VRTN: variants seen among roughly 807,000 people sequenced by gnomAD.
VRTN encodes vertebrae development associated.
Under a neutral mutation model 18.2 loss-of-function variants are expected in VRTN, and 5 were observed. The ratio of observed to expected loss-of-function variants is 0.27; its 90% CI spans 0.14 to 0.58. The LOEUF is 0.58. Ranked by LOEUF, VRTN falls within the 20% of genes least tolerant of loss-of-function variation. The probability of loss-of-function intolerance (pLI) is 0.91; values close to 1 mark genes in which losing one functional copy is unlikely to be tolerated. For missense variants in VRTN, 741 were observed against 939.4 expected, an observed-to-expected ratio of 0.79 and a Z score of 2.76; for synonymous variants, 381 against 393.7, an observed-to-expected ratio of 0.97 and a Z score of 0.38.
chr14:74,350,147 A>G (rs554639367), intron 1 of VRTN, among the ~76,000 whole-genome samples: 1 of 152,166 alleles, frequency 6.6e-6, no homozygotes, highest in East Asian at 1.9e-4. Flanking sequence ...CCCATCATCA[A>G]TTGTCTACTT....
intron 1 of VRTN, among the ~76,000 whole-genome samples, chr14:74,309,510 T>C (rs1382516413): frequency 6.6e-6 from 1 of 152,154 alleles, no homozygotes; most frequent in African/African-American, 2.4e-5. Context: ...CTTGTGCTGT[T>C]TGTTGAACAA....
intron 1 of VRTN, among the ~76,000 whole-genome samples, chr14:74,325,036 G>C (rs193277953): frequency 1.6e-4 from 24 of 152,176 alleles, no homozygotes; most frequent in African/African-American, 5.8e-4. Context: ...CAGTAGGGGG[G>C]AGTGTGTGCA....
At chr14:74,322,603 C>T (rs943708503) in intron 1 of VRTN, among the ~76,000 whole-genome samples, 17 of 152,146 alleles carry the variant, frequency 1.1e-4, no homozygotes, top group African/African-American at 4.1e-4. Flanking sequence ...CTGCTCCCAC[C>T]CTGTCCCTCT....
chr14:74,339,227 T>G (rs898560036), intron 2 of VRTN, among the ~76,000 whole-genome samples: 1 of 152,160 alleles, frequency 6.6e-6, no homozygotes, highest in African/African-American at 2.4e-5. Flanking sequence ...ATGGCTGTTT[T>G]ATCAGATCAT....
chr14:74,337,492 C>G (rs918224706), intron 1 of VRTN, among the ~76,000 whole-genome samples: 11 of 152,110 alleles, frequency 7.2e-5, no homozygotes, highest in African/African-American at 2.4e-4. Context: ...AGATACTAGG[C>G]CTGAGAGGAA....
At position 74,319,965 on chromosome 14, in the gene VRTN, C is replaced by CTG. The variant is rs886502291; in HGVS notation, c.-164+16790_-164+16791dup. Among the ~76,000 whole-genome samples the CTG allele has an allele frequency of 4.1e-4, 63 of 152,272 alleles. 1 individual carries two copies. The highest frequency in any genetic ancestry group is 1.4e-3 in the African/African-American group (60 of 41,576). On this transcript the variant is annotated intron_variant, in intron 1 of 2. Coordinates refer to the VRTN transcript ENST00000557177. ...ATATGAGTGCTTCAAGAAGCAAGCCCTGGCTGGGCACGGTGGCTCATGCCT... is the reference window on the plus strand; with the variant it reads ...ATATGAGTGCTTCAAGAAGCAAGCCCTGTGGCTGGGCACGGTGGCTCATGCCT...
At chr14:74,344,197 G>A (rs11848849), upstream of VRTN, among the ~76,000 whole-genome samples, 1 of 137,552 alleles carries the variant, frequency 7.3e-6, no homozygotes. Context: ...TCACTTGAAC[G>A]CAGGAGTTCA....
At position 74,359,234 on chromosome 14, in the gene VRTN, G is replaced by A. The variant is rs576870772; in HGVS notation, c.*342G>A. ...CCGTATGTATGTCAGGGGGTTTAGA[G>A]GGGGGTTGGTTAGCTAGAGCTGCTT... On this transcript the variant is annotated 3_prime_UTR_variant, in exon 2 of 2. Coordinates refer to ENST00000256362, the MANE Select transcript of VRTN (RefSeq NM_018228.3). The A allele has an allele frequency of 2.9e-5, 7 of 241,568 alleles. No homozygotes were observed. The highest frequency in any genetic ancestry group is 2.3e-5 in the African/African-American group (1 of 44,442). The allele number at this position is 241,568 out of a possible 1,614,324, so 15.0% of individuals were successfully genotyped here.
chr14:74,325,431 TCAAAAAA>T (rs3043733), intron 1 of VRTN, among the ~76,000 whole-genome samples: 2 of 150,698 alleles, frequency 1.3e-5, no homozygotes, highest in Non-Finnish European at 3.0e-5. Context: ...AAACCAAAGG[TCAAAAAA>T]CAAAAAACAA....
chr14:74,344,451 G>C (rs10083481), upstream of VRTN, among the ~76,000 whole-genome samples: 10,851 of 144,272 alleles, frequency 0.075, 1,425 homozygotes, highest in African/African-American at 0.27. Flanking sequence ...ATGTAAAAGT[G>C]GCTGGGCATG....
At chr14:74,323,162 G>A (rs2085466909) in intron 1 of VRTN, among the ~76,000 whole-genome samples, 1 of 152,056 alleles carries the variant, frequency 6.6e-6, no homozygotes, top group Non-Finnish European at 1.5e-5. Context: ...AATATTGGAA[G>A]CCACAGGACA....
At chr14:74,330,019 G>GTGTCACCA (rs1383329215) in intron 1 of VRTN, among the ~76,000 whole-genome samples, 1 of 151,866 alleles carries the variant, frequency 6.6e-6, no homozygotes, top group Admixed American at 6.6e-5. Flanking sequence ...TTACAGGCAC[G>GTGTCACCA]TGTCACCATG....
Position 74,357,350 on chromosome 14 carries a change from C to T in VRTN, c.567C>T (p.Ser189=). The T allele has an allele frequency of 6.2e-7, 1 of 1,614,112 alleles. No individual in the cohort carries two copies. Among genetic ancestry groups the T allele is most frequent in the South Asian group, 1.1e-5 (1 of 91,080 alleles). ...LASVLQRNIY[S]IYPMRNLKIR... The stretch of plus-strand genomic sequence containing the variant: ...CTGTCCTCCAGCGGAACATCTACTC[C>T]ATCTACCCCATGCGCAACCTCAAGA... The change falls in exon 2 of 2, where the codon TCC becomes TCT. Residue 189 remains serine (S), a synonymous_variant. Transcript: ENST00000256362. The surrounding 1 kb of genome is among the most constrained non-coding windows in gnomAD (Gnocchi z 7.8).
In VRTN at chr14:74,333,362, G is replaced by A. The variant is rs62006828; in HGVS notation, c.-163-4361G>A. 8.2e-3 allele frequency among the ~76,000 whole-genome samples: 1,248 copies of A among 152,098 alleles called. 13 individuals are homozygous for A. The highest frequency in any genetic ancestry group is 0.012 in the Non-Finnish European group (804 of 67,978). On this transcript the variant is annotated intron_variant, in intron 1 of 2. Transcript: ENST00000557177. ...TACACCATTGCATTCCAGCCTGGGC[G>A]ACAGAGCGAGACTCCATCTCAAAAA...
chr14:74,349,055 C>T (rs1285632965), intron 1 of VRTN, among the ~76,000 whole-genome samples: 4 of 152,334 alleles, frequency 2.6e-5, no homozygotes, highest in East Asian at 3.9e-4. Flanking sequence ...AAGGGGCAAC[C>T]GGGAGCCTGT....
At chr14:74,318,450 AG>A (rs1045523424) in intron 1 of VRTN, among the ~76,000 whole-genome samples, 5 of 152,022 alleles carry the variant, frequency 3.3e-5, no homozygotes, top group Non-Finnish European at 7.4e-5. Context: ...TTGTATTTTT[AG>A]TGGAGGTGGG....
intron 1 of VRTN, among the ~76,000 whole-genome samples, chr14:74,350,755 C>T (rs1393435776): frequency 2.0e-5 from 3 of 152,062 alleles, no homozygotes; most frequent in Admixed American, 6.6e-5. Flanking sequence ...CTGTAGATAG[C>T]GTAGGTGTGA....
chr14:74,321,428 G>C (rs2085455198), intron 1 of VRTN, among the ~76,000 whole-genome samples: 1 of 152,112 alleles, frequency 6.6e-6, no homozygotes, highest in Non-Finnish European at 1.5e-5. Context: ...CGTGGTCATA[G>C]GGCTAGTAAG....
At chr14:74,318,141 CA>C in intron 1 of VRTN, among the ~76,000 whole-genome samples, 1 of 152,146 alleles carries the variant, frequency 6.6e-6, no homozygotes, top group Non-Finnish European at 1.5e-5. Context: ...TAAAAAAAGA[CA>C]ATAGTACTAA....
Sources: allele counts gnomAD v4.1 joint callset (sites outside exome capture counted in the v4.1 genomes callset), GRCh38; gene constraint gnomAD v4.1.1; non-coding constraint Gnocchi (gnomAD v3.1); transcripts MANE v1.5; gene names NCBI Gene and HGNC (gene_info 2026-07-23, HGNC 2026-07-21).